CAMK2D: variants seen among roughly 807,000 people sequenced by gnomAD.
CAMK2D encodes calcium/calmodulin-dependent protein kinase type II subunit delta.
CAMK2D carries 37 observed loss-of-function variants against 84.0 expected under a neutral mutation model. The ratio of observed to expected loss-of-function variants is 0.44; its 90% CI spans 0.34 to 0.58. The LOEUF (loss-of-function observed/expected upper bound fraction) is 0.58. Among genes scored for constraint, CAMK2D ranks in the 20% least tolerant of loss-of-function variants. The pLI is 0.02. For missense variants in CAMK2D, 448 were observed against 652.5 expected (o/e 0.69, Z 3.41); for synonymous variants, 202 against 212.5 (o/e 0.95, Z 0.43).
At chr4:113,555,054 GTAT>G (rs1198189306) in intron 4 of CAMK2D, among the ~76,000 whole-genome samples, 3 of 152,150 alleles carry the variant, frequency 2.0e-5, no homozygotes, top group Admixed American at 2.0e-4. Flanking sequence ...GATTCACACT[GTAT>G]TATTACCCTG....
chr4:113,550,395 A>G (rs2098617253), intron 5 of CAMK2D, among the ~76,000 whole-genome samples: 1 of 152,018 alleles, frequency 6.6e-6, no homozygotes, highest in South Asian at 2.1e-4. Context: ...CTGGTCTCGA[A>G]CTCCTGGGCT....
intron 3 of CAMK2D, among the ~76,000 whole-genome samples, chr4:113,637,352 T>A (rs1276797417): frequency 6.6e-6 from 1 of 152,232 alleles, no homozygotes; most frequent in East Asian, 1.9e-4. Flanking sequence ...CTCAAAATAG[T>A]TCTATATTCA....
chr4:113,498,985 G>T (rs1180319946), intron 16 of CAMK2D, among the ~76,000 whole-genome samples: 1 of 152,118 alleles, frequency 6.6e-6, no homozygotes, highest in Non-Finnish European at 1.5e-5. Flanking sequence ...GTTATTTAAA[G>T]ATTCAGTTTC....
intron 13 of CAMK2D, among the ~76,000 whole-genome samples, chr4:113,508,938 A>AAAAG (rs1387432265): frequency 1.3e-5 from 2 of 152,242 alleles, no homozygotes; most frequent in African/African-American, 4.8e-5. Flanking sequence ...TGGTACTCTG[A>AAAAG]AAAGATAACA....
intron 12 of CAMK2D, among the ~76,000 whole-genome samples, chr4:113,511,996 A>G (rs970518366): frequency 3.3e-5 from 5 of 152,340 alleles, no homozygotes; most frequent in Non-Finnish European, 4.4e-5. Flanking sequence ...TGATAACACT[A>G]TAACACCCAG....
At chr4:113,492,469 T>C (rs1163989193) in intron 16 of CAMK2D, among the ~76,000 whole-genome samples, 1 of 152,256 alleles carries the variant, frequency 6.6e-6, no homozygotes, top group Admixed American at 6.5e-5. Context: ...AGATTCTTAA[T>C]CCTGAGATCG....
At chr4:113,474,715 C>T (rs540367227) in intron 16 of CAMK2D, among the ~76,000 whole-genome samples, 3 of 151,204 alleles carry the variant, frequency 2.0e-5, no homozygotes, top group East Asian at 1.9e-4. Context: ...GGTGTGATCT[C>T]GGCTCACTGC....
chr4:113,558,056 G>T (rs1463834939), intron 4 of CAMK2D, among the ~76,000 whole-genome samples: 1 of 152,148 alleles, frequency 6.6e-6, no homozygotes, highest in Non-Finnish European at 1.5e-5. Context: ...CTCTTTTGGA[G>T]GTGAGGAATC....
intron 8 of CAMK2D, among the ~76,000 whole-genome samples, chr4:113,527,459 T>G (rs2098426591): frequency 6.6e-6 from 1 of 152,086 alleles, no homozygotes; most frequent in Non-Finnish European, 1.5e-5. Flanking sequence ...TATCGTATAC[T>G]TAATAGACTA....
intron 14 of CAMK2D, chr4:113,503,343 AGGACACTG>A (rs1214443254): frequency 3.8e-6 from 2 of 522,924 alleles, no homozygotes; most frequent in African/African-American, 3.9e-5. Flanking sequence ...GAACTGGCCA[AGGACACTG>A]GAGCTAAAAC....
chr4:113,564,013 T>A (rs1305191608), intron 4 of CAMK2D, among the ~76,000 whole-genome samples: 3 of 152,230 alleles, frequency 2.0e-5, no homozygotes, highest in Non-Finnish European at 4.4e-5. Flanking sequence ...TAGAGACTCT[T>A]GATGGAGATA....
chr4:113,534,623 C>CTGA (rs1220321419), intron 7 of CAMK2D, among the ~76,000 whole-genome samples: 1 of 152,122 alleles, frequency 6.6e-6, no homozygotes, highest in Non-Finnish European at 1.5e-5. Context: ...TTTTACTGAC[C>CTGA]TGATATTCAG....
chr4:113,452,052 G>C lies in CAMK2D; in HGVS notation c.*2493C>G, dbSNP rs1458598649. On this transcript the variant is annotated 3_prime_UTR_variant, in exon 21 of 21. Coordinates refer to ENST00000511664, the MANE Select transcript of CAMK2D (RefSeq NM_001321571.2). ...AGCATCCATGTATGCTCAAGTTCAA[G>C]CTGGGGAGTAGCAGGAGCTGGGGTG... 1 of 151,614 alleles carries C rather than the reference G, an allele frequency of 6.6e-6. No homozygotes were observed. Among genetic ancestry groups the C allele is most frequent in the African/African-American group, 2.4e-5 (1 of 41,208 alleles). 9.4% of individuals were successfully genotyped at this position (151,614 alleles called of 1,614,324 possible).
At chr4:113,505,447 T>TCA (rs1303973918) in intron 13 of CAMK2D, among the ~76,000 whole-genome samples, 5 of 152,076 alleles carry the variant, frequency 3.3e-5, no homozygotes, top group South Asian at 2.1e-4. Context: ...GAGCCTGAAG[T>TCA]CACACACACA....
chr4:113,494,375 G>A (rs1299253012), intron 16 of CAMK2D, among the ~76,000 whole-genome samples: 1 of 152,156 alleles, frequency 6.6e-6, no homozygotes, highest in African/African-American at 2.4e-5. Flanking sequence ...ACCCTCAGCT[G>A]CAGGTCTGTT....
At chr4:113,648,503 T>A (rs1018414689) in intron 3 of CAMK2D, among the ~76,000 whole-genome samples, 5 of 152,208 alleles carry the variant, frequency 3.3e-5, no homozygotes, top group African/African-American at 1.2e-4. Context: ...TCTGATGGGA[T>A]ATACACAAAT....
intron 5 of CAMK2D, among the ~76,000 whole-genome samples, chr4:113,550,750 A>C (rs1294955695): frequency 1.3e-5 from 2 of 152,220 alleles, no homozygotes; most frequent in Non-Finnish European, 2.9e-5. Flanking sequence ...GGCCCCTTTC[A>C]GGACCCTAAT....
chr4:113,703,923 CTTTT>C (rs11460715), intron 2 of CAMK2D, among the ~76,000 whole-genome samples: 2 of 129,398 alleles, frequency 1.5e-5, no homozygotes, highest in Non-Finnish European at 1.6e-5. Flanking sequence ...TTCTTATGAC[CTTTT>C]TTTTTTTTTT....
intron 4 of CAMK2D, among the ~76,000 whole-genome samples, chr4:113,600,802 G>T (rs2098948702): frequency 6.6e-6 from 1 of 151,242 alleles, no homozygotes; most frequent in Non-Finnish European, 1.5e-5. Context: ...CAGCTACTTT[G>T]TAAAAATGTT....
Sources: allele counts gnomAD v4.1 joint callset (sites outside exome capture counted in the v4.1 genomes callset), GRCh38; gene constraint gnomAD v4.1.1; transcripts MANE v1.5; gene names NCBI Gene and HGNC (gene_info 2026-07-23, HGNC 2026-07-21).